Variants in FAM219A observed in about 807,000 individuals in gnomAD.
FAM219A encodes protein FAM219A.
In FAM219A, 7 loss-of-function variants were observed where a neutral mutation model predicts 23.4. The observed-to-expected ratio is 0.30, with a 90% CI of 0.17 to 0.56. The LOEUF (loss-of-function observed/expected upper bound fraction) is 0.56, where lower values mean the gene tolerates loss of function less well. Ranked by LOEUF, FAM219A falls within the 20% of genes least tolerant of loss-of-function variation. FAM219A has a pLI of 0.92. For synonymous variants in FAM219A, 93 were observed against 99.0 expected (o/e 0.94, Z 0.36); for missense variants, 166 against 246.9 (o/e 0.67, Z 2.20).
chr9:34,457,020 G>A lies in FAM219A; in HGVS notation c.60+1184C>T, dbSNP rs111671054. Reference sequence around the variant, plus strand: ...CAGCCAGGGGGTTATAGGCCCAAGGGTAGACCTGTTTCTGGCCACCCTGCC... The same window carrying A: ...CAGCCAGGGGGTTATAGGCCCAAGGATAGACCTGTTTCTGGCCACCCTGCC... On this transcript the variant is annotated intron_variant, in intron 1 of 5. Transcript: ENST00000651358. This position sits in a 1 kb window ranked among gnomAD's most constrained non-coding sequence, Gnocchi z 5.1. 3.3e-5 allele frequency among the ~76,000 whole-genome samples: 5 copies of A among 152,300 alleles called. No individual in the cohort carries two copies. Among genetic ancestry groups the A allele is most frequent in the African/African-American group, 9.6e-5 (4 of 41,574 alleles).
intron 1 of FAM219A, among the ~76,000 whole-genome samples, chr9:34,422,841 T>C (rs1393144254): frequency 1.3e-5 from 2 of 152,178 alleles, no homozygotes; most frequent in African/African-American, 4.8e-5. Context: ...GGCATCTATA[T>C]TCTAGGCACT....
intron 1 of FAM219A, among the ~76,000 whole-genome samples, chr9:34,443,084 G>A (rs1823240766): frequency 6.6e-6 from 1 of 152,114 alleles, no homozygotes; most frequent in African/African-American, 2.4e-5. Context: ...AGTACTAGGG[G>A]GTATGTGTTT....
intron 2 of FAM219A, among the ~76,000 whole-genome samples, chr9:34,405,386 AG>A (rs921809836): frequency 6.6e-6 from 1 of 152,206 alleles, no homozygotes; most frequent in Non-Finnish European, 1.5e-5. Flanking sequence ...TAAGAAACGA[AG>A]GGAAAACTCC....
At chr9:34,453,369 G>C (rs1823624186) in intron 1 of FAM219A, among the ~76,000 whole-genome samples, 1 of 152,168 alleles carries the variant, frequency 6.6e-6, no homozygotes. Context: ...GAAGCAGTAG[G>C]AGTCTGAAAC....
chr9:34,449,603 G>T (rs1355730899), intron 1 of FAM219A, among the ~76,000 whole-genome samples: 1 of 152,132 alleles, frequency 6.6e-6, no homozygotes, highest in African/African-American at 2.4e-5. Flanking sequence ...ACATTTAAAA[G>T]AACTAGGAAG....
intron 1 of FAM219A, chr9:34,406,263 A>G (rs1269987432): frequency 1.0e-6 from 1 of 981,098 alleles, no homozygotes; most frequent in African/African-American, 1.8e-5. Flanking sequence ...TTAAACTCAC[A>G]GGACTTCCTT....
At chr9:34,439,003 A>C (rs1033130756) in intron 1 of FAM219A, among the ~76,000 whole-genome samples, 5 of 151,944 alleles carry the variant, frequency 3.3e-5, no homozygotes, top group Admixed American at 6.6e-5. Context: ...AACCAGCGAG[A>C]CCACGAGCCC....
chr9:34,452,228 G>A (rs1823584668), intron 1 of FAM219A, among the ~76,000 whole-genome samples: 1 of 152,148 alleles, frequency 6.6e-6, no homozygotes, highest in Non-Finnish European at 1.5e-5. Flanking sequence ...TTGAGGCAGA[G>A]GGGGGACAAA....
chr9:34,414,502 C>A (rs1440110299), intron 1 of FAM219A, among the ~76,000 whole-genome samples: 2 of 152,150 alleles, frequency 1.3e-5, no homozygotes, highest in East Asian at 3.8e-4. Context: ...ACGTTCTGCA[C>A]ATGTATCCCA....
chr9:34,433,894 G>A (rs1202157040), intron 1 of FAM219A, among the ~76,000 whole-genome samples: 1 of 152,150 alleles, frequency 6.6e-6, no homozygotes, highest in Non-Finnish European at 1.5e-5. Context: ...CCGTTGCTCA[G>A]GTTGGTTTTA....
intron 1 of FAM219A, among the ~76,000 whole-genome samples, chr9:34,426,950 CTT>C (rs879412912): frequency 6.9e-6 from 1 of 145,660 alleles, no homozygotes; most frequent in Non-Finnish European, 1.5e-5. Context: ...TCAACCAGCA[CTT>C]TTTTTTTTTT....
At chr9:34,416,890 C>T (rs907621409) in intron 1 of FAM219A, among the ~76,000 whole-genome samples, 1 of 147,228 alleles carries the variant, frequency 6.8e-6, no homozygotes, top group Non-Finnish European at 1.5e-5. Flanking sequence ...TTCACAGGCA[C>T]AATCATAGCT....
chr9:34,458,193 C>T lies in FAM219A; in HGVS notation c.60+11G>A, dbSNP rs1303230264. Reference sequence around the variant, plus strand: ...CTCCGGCCTTGGCCTGCCCGCCGCCCGCCCCCTCACCAGCGGCTGCATCTC... The same window carrying T: ...CTCCGGCCTTGGCCTGCCCGCCGCCTGCCCCCTCACCAGCGGCTGCATCTC... On this transcript the variant is annotated intron_variant, in intron 1 of 5. Transcript: ENST00000651358. This position sits in a 1 kb window ranked among gnomAD's most constrained non-coding sequence, Gnocchi z 6.6. The T allele has an allele frequency of 1.3e-6, 2 of 1,584,570 alleles. No individual in the cohort carries two copies. Among genetic ancestry groups the T allele is most frequent in the African/African-American group, 1.4e-5 (1 of 73,852 alleles).
At chr9:34,420,284 G>A (rs1822216159) in intron 1 of FAM219A, among the ~76,000 whole-genome samples, 1 of 152,198 alleles carries the variant, frequency 6.6e-6, no homozygotes, top group Admixed American at 6.5e-5. Flanking sequence ...GGAATGCATG[G>A]AGGGTGGTAG....
chr9:34,438,543 C>A (rs769834781), intron 1 of FAM219A, among the ~76,000 whole-genome samples: 4 of 151,996 alleles, frequency 2.6e-5, no homozygotes, highest in Non-Finnish European at 5.9e-5. Flanking sequence ...TCTGGTGGGG[C>A]CTTGGAGAAC....
chr9:34,438,163 G>A (rs972160073), intron 1 of FAM219A, among the ~76,000 whole-genome samples: 7 of 152,214 alleles, frequency 4.6e-5, no homozygotes, highest in African/African-American at 1.2e-4. Flanking sequence ...GCCTTCCTGC[G>A]GGGCAGGGCT....
rs183284310 is a variant in FAM219A, at chr9:34,430,168, G to A, written c.61-24204C>T. Among the ~76,000 whole-genome samples, 255 of 152,284 alleles carry A rather than the reference G, an allele frequency of 1.7e-3. 3 individuals carry two copies. Among genetic ancestry groups the A allele is most frequent in the Non-Finnish European group, 2.9e-3 (196 of 68,026 alleles). ...GGGAATCCCTAGACCTACAGGGCTG[G>A]TCTTGGAAAGAGAAGAGGTCATGCC... On this transcript the variant is annotated intron_variant, in intron 1 of 5. Coordinates refer to ENST00000651358, the MANE Select transcript of FAM219A (RefSeq NM_001184940.2).
intron 1 of FAM219A, among the ~76,000 whole-genome samples, chr9:34,419,297 T>C (rs148886645): frequency 0.017 from 2,516 of 151,768 alleles, 38 homozygotes; most frequent in Non-Finnish European, 0.024. Context: ...AGGCCTTTCA[T>C]AGGAGAGGGA....
At chr9:34,422,259 G>A (rs1194996202) in intron 1 of FAM219A, among the ~76,000 whole-genome samples, 2 of 152,178 alleles carry the variant, frequency 1.3e-5, no homozygotes, top group Non-Finnish European at 2.9e-5. Flanking sequence ...CGGCCATGGT[G>A]CTAAGTGCTT....
Sources: gnomAD v4.1 joint callset for allele counts (sites outside exome capture counted in the v4.1 genomes callset) on GRCh38, gnomAD v4.1.1 for gene constraint, Gnocchi (gnomAD v3.1) non-coding constraint, MANE v1.5 for transcripts, NCBI Gene and HGNC (gene_info 2026-07-23, HGNC 2026-07-21) for gene names.